Variants in PCDHA10 observed in about 807,000 individuals in gnomAD.
PCDHA10 encodes protocadherin alpha-10.
A neutral mutation model predicts 61.2 loss-of-function variants in PCDHA10; 45 were observed. The ratio of observed to expected loss-of-function variants is 0.74; its 90% CI spans 0.58 to 0.94. The LOEUF (loss-of-function observed/expected upper bound fraction) is 0.94, where lower values mean the gene tolerates loss of function less well. Ranked by LOEUF, PCDHA10 falls within the 40% of genes least tolerant of loss-of-function variation. PCDHA10 has a pLI of 0.00. For missense variants in PCDHA10, 1,278 were observed against 1,236.2 expected (o/e 1.03, Z -0.51); for synonymous variants, 602 against 548.8 (o/e 1.10, Z -1.35).
Position 141,011,938 on chromosome 5 carries a change from T to TA in PCDHA10, c.*2008dup, listed in dbSNP as rs1489019865. 2.6e-5 allele frequency: 4 copies of TA among 153,644 alleles called. No individual in the cohort carries two copies. The highest frequency in any genetic ancestry group is 6.5e-5 in the Admixed American group (1 of 15,278). The allele number at this position is 153,644 out of a possible 1,614,324, so 9.5% of individuals were successfully genotyped here. A position where few individuals can be genotyped will look rare whatever the true frequency, so the allele number is the denominator to read the frequency against. ...ATAAAAGAGGTAGGAGTCTGTTATT[T>TA]AAAAAAAGCATTAAATTTAAAAAAA... On this transcript the variant is annotated 3_prime_UTR_variant, in exon 4 of 4. Transcript: ENST00000307360.
chr5:140,979,146 TC>T (rs2096836943), intron 2 of PCDHA10, 139 bp downstream of exon 2: 2 of 1,444,078 alleles, frequency 1.4e-6, no homozygotes, highest in African/African-American at 2.9e-5. Context: ...AATTATTTTG[TC>T]CCCATGTTTA....
chr5:140,947,347 G>A (rs1554218167), intron 1 of PCDHA10, among the ~76,000 whole-genome samples: 1 of 151,534 alleles, frequency 6.6e-6, no homozygotes, highest in Non-Finnish European at 1.5e-5. Context: ...CTTAATTCTG[G>A]ACTCTATTTC....
intron 3 of PCDHA10, among the ~76,000 whole-genome samples, chr5:141,009,180 T>C (rs1272195338): frequency 6.6e-6 from 1 of 152,170 alleles, no homozygotes; most frequent in Non-Finnish European, 1.5e-5. Context: ...CTTGGCTGGG[T>C]GTGGTAGCTC....
At chr5:140,870,388 G>C in intron 1 of PCDHA10, 1 of 1,614,232 alleles carries the variant, frequency 6.2e-7, no homozygotes, top group Non-Finnish European at 8.5e-7. Flanking sequence ...TGCGCGGGAT[G>C]GGGGTTCGCC....
At chr5:140,956,629 G>A (rs1554222520) in intron 1 of PCDHA10, among the ~76,000 whole-genome samples, 1 of 152,060 alleles carries the variant, frequency 6.6e-6, no homozygotes, top group Non-Finnish European at 1.5e-5. Flanking sequence ...TTGCATCTCT[G>A]CCAGGTTTTG....
intron 1 of PCDHA10, among the ~76,000 whole-genome samples, chr5:140,933,677 T>G (rs1024721491): frequency 6.6e-6 from 1 of 151,826 alleles, no homozygotes; most frequent in African/African-American, 2.4e-5. Flanking sequence ...CTCTCTCACA[T>G]TTTTTTTCCT....
Position 141,010,550 on chromosome 5 carries a change from ACC to A in PCDHA10, c.*617_*618del. 3.2e-6 allele frequency: 1 copy of A among 316,712 alleles called. No individual in the cohort carries two copies. The highest frequency in any genetic ancestry group is 5.8e-6 in the Non-Finnish European group (1 of 172,196). The allele number at this position is 316,712 out of a possible 1,614,324, so 19.6% of individuals were successfully genotyped here. ...CAGCCACCCTCTAGGAGACAAAACT[ACC>A]CCCACTGACAAGGCTTTAGGAGACC... On this transcript the variant is annotated 3_prime_UTR_variant, in exon 4 of 4. Transcript: ENST00000307360.
intron 1 of PCDHA10, chr5:140,967,692 G>C (rs781940460): frequency 6.2e-7 from 1 of 1,614,196 alleles, no homozygotes; most frequent in Admixed American, 1.7e-5. Flanking sequence ...CAGCTCTTCA[G>C]CATAGATGCC....
intron 1 of PCDHA10, chr5:140,876,798 C>T: frequency 6.2e-7 from 1 of 1,614,180 alleles, no homozygotes; most frequent in Non-Finnish European, 8.5e-7. Context: ...CTAGAGTGTC[C>T]GTGGAGGTGG....
At chr5:140,861,658 G>C (rs913348410) in intron 1 of PCDHA10, 1 of 269,114 alleles carries the variant, frequency 3.7e-6, no homozygotes, top group Non-Finnish European at 7.4e-6. Flanking sequence ...TTTCTGAAAC[G>C]AGAGCTCTTG....
chr5:140,885,430 A>T (rs1216159578), intron 1 of PCDHA10, among the ~76,000 whole-genome samples: 2 of 152,132 alleles, frequency 1.3e-5, no homozygotes, highest in African/African-American at 4.8e-5. Context: ...CCACAGTGTA[A>T]GTGTGCAATT....
chr5:140,888,513 A>C (rs1208227299), intron 1 of PCDHA10, among the ~76,000 whole-genome samples: 5 of 152,216 alleles, frequency 3.3e-5, no homozygotes, highest in African/African-American at 4.8e-5. Context: ...TCTTGGACTT[A>C]GTTCTGACGT....
At chr5:140,975,594 A>G (rs914837592) in intron 1 of PCDHA10, among the ~76,000 whole-genome samples, 3 of 152,236 alleles carry the variant, frequency 2.0e-5, no homozygotes, top group Admixed American at 2.0e-4. Flanking sequence ...CCAGAGGGCA[A>G]TTTGTTGATG....
chr5:141,010,293 G>A lies in PCDHA10; in HGVS notation c.*356G>A. ...ATCCTGTCTTGATGACACTTGCAGG[G>A]CAGGCTGAAAAGTTTTGAGATTGAG... On this transcript the variant is annotated 3_prime_UTR_variant, in exon 4 of 4. Transcript: ENST00000307360. The A allele has an allele frequency of 6.5e-7, 1 of 1,549,794 alleles. No individual in the cohort carries two copies. The highest frequency in any genetic ancestry group is 2.4e-5 in the East Asian group (1 of 40,902).
intron 1 of PCDHA10, among the ~76,000 whole-genome samples, chr5:140,947,914 GCCTTAAC>G (rs2094192185): frequency 6.6e-6 from 1 of 151,456 alleles, no homozygotes. Context: ...AGACATTCTT[GCCTTAAC>G]CCTGATCTTA....
rs1424860955 is a variant in PCDHA10 at position 140,855,923 on chromosome 5, A to C, written c.-126A>C. The stretch of plus-strand genomic sequence containing the variant: ...GCCAGTTTCTCAAGGACTAGGAAGT[A>C]GCGTCATTCTGAGATCTCAGCCATT... On this transcript the variant is annotated 5_prime_UTR_variant, in exon 1 of 4. Transcript: ENST00000307360. 25 of 1,229,030 alleles carry C rather than the reference A, an allele frequency of 2.0e-5. No individual in the cohort carries two copies. The highest frequency in any genetic ancestry group is 2.7e-5 in the Non-Finnish European group (24 of 881,160). 76.1% of individuals were successfully genotyped at this position (1,229,030 alleles called of 1,614,324 possible).
chr5:140,969,339 A>AGTG (rs782647003), intron 1 of PCDHA10: 3 of 1,613,948 alleles, frequency 1.9e-6, no homozygotes, highest in African/African-American at 2.7e-5. Flanking sequence ...GAGGTGAGAC[A>AGTG]GTGGTCAGGG....
rs186453463 is a variant in PCDHA10 at position 140,951,770 on chromosome 5, C to T, written c.2389-27179C>T. On this transcript the variant is annotated intron_variant, in intron 1 of 3. Transcript: ENST00000307360. ...ACCCTCCGCGAAATCTCATGACGTT[C>T]TTACATTGCAAAATACAATTATCCC... 1.6e-3 allele frequency among the ~76,000 whole-genome samples: 247 copies of T among 152,268 alleles called. 1 individual carries two copies. The highest frequency in any genetic ancestry group is 5.5e-3 in the African/African-American group (229 of 41,576).
At chr5:140,863,914 T>C (rs2048229981) in intron 1 of PCDHA10, 1 of 162,444 alleles carries the variant, frequency 6.2e-6, no homozygotes, top group Non-Finnish European at 1.4e-5. Context: ...GGCACAAGAA[T>C]TGCTTGAACC....
Sources: allele counts gnomAD v4.1 joint callset (sites outside exome capture counted in the v4.1 genomes callset), GRCh38; gene constraint gnomAD v4.1.1; transcripts MANE v1.5; gene names NCBI Gene and HGNC (gene_info 2026-07-23, HGNC 2026-07-21).